SP110: variants seen among roughly 807,000 people sequenced by gnomAD.
The protein encoded by SP110 is SP110 nuclear body protein, also known as interferon-induced protein 41, 30kD.
A neutral mutation model predicts 92.7 loss-of-function variants in SP110; 62 were observed. The ratio of observed to expected loss-of-function variants is 0.67; its 90% CI spans 0.55 to 0.83. The LOEUF is 0.83. SP110 is among the 40% of genes least tolerant of loss of function. SP110 has a pLI of 0.00. For missense variants in SP110, 793 were observed against 863.9 expected, an observed-to-expected ratio of 0.92 and a Z score of 1.03; for synonymous variants, 273 against 305.3, an observed-to-expected ratio of 0.89 and a Z score of 1.10.
At chr2:230,184,355 G>A (rs575177159) in intron 11 of SP110, among the ~76,000 whole-genome samples, 40 of 152,108 alleles carry the variant, frequency 2.6e-4, no homozygotes, top group Admixed American at 3.9e-4. Flanking sequence ...GGTTAACACT[G>A]GGTGATTTTG....
At chr2:230,186,368 A>G (rs1488132916) in intron 10 of SP110, among the ~76,000 whole-genome samples, 2 of 152,304 alleles carry the variant, frequency 1.3e-5, no homozygotes, top group South Asian at 2.1e-4. Context: ...CCACTAGTGT[A>G]GGGATTTGTG....
chr2:230,178,571 C>A (rs945943437), intron 12 of SP110, among the ~76,000 whole-genome samples: 2 of 152,098 alleles, frequency 1.3e-5, no homozygotes, highest in Admixed American at 6.5e-5. Flanking sequence ...AAGCATCCTG[C>A]TGATCTCTCT....
intron 10 of SP110, among the ~76,000 whole-genome samples, chr2:230,193,784 G>T (rs369659845): frequency 6.6e-6 from 1 of 152,192 alleles, no homozygotes; most frequent in African/African-American, 2.4e-5. Flanking sequence ...ATAGGTTTCA[G>T]GGGGAGGGCA....
chr2:230,204,363 T>A (rs913600751), intron 8 of SP110, among the ~76,000 whole-genome samples: 1 of 152,120 alleles, frequency 6.6e-6, no homozygotes, highest in African/African-American at 2.4e-5. Flanking sequence ...AGAGTGGGCA[T>A]CTCACTACTG....
intron 13 of SP110, among the ~76,000 whole-genome samples, 187 bp from the exon 14 acceptor site, chr2:230,177,867 A>T (rs2041938109): frequency 6.6e-6 from 1 of 152,142 alleles, no homozygotes; most frequent in Non-Finnish European, 1.5e-5. Flanking sequence ...AGCCTGACTG[A>T]GTGGTGAGGG....
At chr2:230,220,147 TG>T, upstream of SP110, 2 of 914,724 alleles carry the variant, frequency 2.2e-6, no homozygotes, top group Middle Eastern at 5.6e-4. Context: ...AGTTGGGGTT[TG>T]GGGGAGGGCG....
chr2:230,184,458 GAT>G (rs1420189363), intron 11 of SP110, among the ~76,000 whole-genome samples: 2 of 152,188 alleles, frequency 1.3e-5, no homozygotes, highest in East Asian at 3.8e-4. Context: ...AGAGGCCAGA[GAT>G]GTCGCTAAAC....
At chr2:230,191,141 G>C (rs964526129) in intron 10 of SP110, among the ~76,000 whole-genome samples, 3 of 152,142 alleles carry the variant, frequency 2.0e-5, no homozygotes, top group African/African-American at 7.2e-5. Context: ...AGCTAAAGCA[G>C]TGTTAAGAGG....
chr2:230,176,634 G>A (rs757383542), intron 14 of SP110: 39 of 1,613,800 alleles, frequency 2.4e-5, no homozygotes, highest in Admixed American at 3.3e-5. Context: ...GGGAAAGTCT[G>A]CAACATGGTG....
intron 12 of SP110, among the ~76,000 whole-genome samples, chr2:230,179,904 G>A (rs978110105): frequency 2.6e-5 from 4 of 152,114 alleles, no homozygotes; most frequent in African/African-American, 9.7e-5. Context: ...CATCAAGTGA[G>A]GTGGGGCCTT....
chr2:230,217,362 C>A (rs1255600431), intron 1 of SP110, among the ~76,000 whole-genome samples: 1 of 151,992 alleles, frequency 6.6e-6, no homozygotes, highest in Non-Finnish European at 1.5e-5. Flanking sequence ...TCCTTAGTAG[C>A]CTGCAAAGCA....
intron 18 of SP110, 80 bp from the exon 19 acceptor site, chr2:230,169,317 T>C: frequency 1.1e-6 from 1 of 899,590 alleles, no homozygotes; most frequent in African/African-American, 1.6e-5. Context: ...TTTTTTGTGT[T>C]TTTGTTTTTG....
intron 10 of SP110, 111 bp downstream of exon 10, chr2:230,200,774 G>T: frequency 3.5e-6 from 3 of 864,488 alleles, no homozygotes; most frequent in Non-Finnish European, 4.0e-6. Context: ...GGGCTCTCTA[G>T]CACAGTAATA....
At chr2:230,196,645 A>T (rs1322337570) in intron 10 of SP110, among the ~76,000 whole-genome samples, 1 of 151,778 alleles carries the variant, frequency 6.6e-6, no homozygotes, top group East Asian at 1.9e-4. Flanking sequence ...GCACCCATTA[A>T]CTCGTCATTT....
intron 12 of SP110, among the ~76,000 whole-genome samples, chr2:230,181,008 G>A (rs991418545): frequency 2.6e-5 from 4 of 152,152 alleles, no homozygotes; most frequent in Admixed American, 2.0e-4. Context: ...GCAAAATGTA[G>A]ATCAAAGTGC....
chr2:230,182,808 G>C (rs1046740793), intron 12 of SP110, among the ~76,000 whole-genome samples: 4 of 152,188 alleles, frequency 2.6e-5, no homozygotes, highest in Non-Finnish European at 5.9e-5. Flanking sequence ...GCTACTCAGT[G>C]CTCCAGCCTA....
chr2:230,176,543 T>A, intron 14 of SP110: 1 of 1,594,388 alleles, frequency 6.3e-7, no homozygotes, highest in Non-Finnish European at 8.5e-7. Context: ...TGCAAATTAA[T>A]TGTTTTGAAG....
intron 12 of SP110, 27 bp downstream of exon 12, chr2:230,183,545 G>C (rs765936843): frequency 4.6e-6 from 7 of 1,536,338 alleles, no homozygotes; most frequent in Non-Finnish European, 6.3e-6. Context: ...GAGCCCAGTG[G>C]GGAGGCGCTG....
intron 14 of SP110, chr2:230,176,399 G>C (rs1430311903): frequency 7.9e-7 from 1 of 1,263,194 alleles, no homozygotes; most frequent in Non-Finnish European, 1.0e-6. Flanking sequence ...TAGGCTTAGA[G>C]CATTTTATTT....
Sources: allele counts gnomAD v4.1 joint callset (sites outside exome capture counted in the v4.1 genomes callset), GRCh38; gene constraint gnomAD v4.1.1; transcripts MANE v1.5; gene names NCBI Gene and HGNC (gene_info 2026-07-23, HGNC 2026-07-21).